SPOCK1: variants seen among roughly 807,000 people sequenced by gnomAD.
SPOCK1 encodes SPARC (osteonectin), cwcv and kazal like domains proteoglycan 1.
SPOCK1 carries 23 observed loss-of-function variants against 55.3 expected under a neutral mutation model. The observed-to-expected ratio is 0.42, with a 90% CI of 0.30 to 0.59. SPOCK1 has a LOEUF of 0.59. Among genes scored for constraint, SPOCK1 ranks in the 20% least tolerant of loss-of-function variants. The pLI is 0.22. For missense variants in SPOCK1, 499 were observed against 552.5 expected (o/e 0.90, Z 0.97); for synonymous variants, 226 against 221.0 (o/e 1.02, Z -0.20).
chr5:137,091,837 C>A (rs982777753), intron 5 of SPOCK1, among the ~76,000 whole-genome samples: 17 of 152,172 alleles, frequency 1.1e-4, no homozygotes, highest in African/African-American at 4.1e-4. Flanking sequence ...AAACTCTTTG[C>A]ATATGGGAGC....
intron 2 of SPOCK1, among the ~76,000 whole-genome samples, chr5:137,346,829 A>G (rs1407912969): frequency 6.6e-6 from 1 of 152,184 alleles, no homozygotes; most frequent in Non-Finnish European, 1.5e-5. Flanking sequence ...TCTTCAAAAA[A>G]CTGATGATCT....
intron 2 of SPOCK1, among the ~76,000 whole-genome samples, chr5:137,413,198 T>C (rs1752246181): frequency 6.6e-6 from 1 of 152,226 alleles, no homozygotes; most frequent in African/African-American, 2.4e-5. Flanking sequence ...TGAAGAGCTA[T>C]ACTTTGCTTC....
intron 2 of SPOCK1, among the ~76,000 whole-genome samples, chr5:137,321,616 C>T (rs1029676231): frequency 6.6e-6 from 1 of 152,138 alleles, no homozygotes; most frequent in African/African-American, 2.4e-5. Context: ...TGGTTCACGC[C>T]TGTAATCCCA....
chr5:137,173,057 T>C (rs1754783213), intron 3 of SPOCK1, among the ~76,000 whole-genome samples: 1 of 152,132 alleles, frequency 6.6e-6, no homozygotes, highest in African/African-American at 2.4e-5. Flanking sequence ...CAATCTCCCA[T>C]TGTGTATGGT....
intron 2 of SPOCK1, among the ~76,000 whole-genome samples, chr5:137,391,920 C>T (rs1214301345): frequency 6.6e-6 from 1 of 152,136 alleles, no homozygotes; most frequent in African/African-American, 2.4e-5. Context: ...CACATACTGC[C>T]CTCCAGGTAG....
At chr5:137,424,951 G>A (rs577927507) in intron 2 of SPOCK1, among the ~76,000 whole-genome samples, 1 of 152,264 alleles carries the variant, frequency 6.6e-6, no homozygotes, top group East Asian at 1.9e-4. Flanking sequence ...TTAAATGGAT[G>A]CATTTTATTG....
intron 3 of SPOCK1, among the ~76,000 whole-genome samples, chr5:137,225,339 T>G (rs1755925385): frequency 6.6e-6 from 1 of 152,164 alleles, no homozygotes; most frequent in Non-Finnish European, 1.5e-5. Context: ...TAGAGGTTAC[T>G]GTAGAAATAA....
chr5:137,351,501 G>T (rs996511083), intron 2 of SPOCK1, among the ~76,000 whole-genome samples: 2 of 152,178 alleles, frequency 1.3e-5, no homozygotes, highest in Non-Finnish European at 2.9e-5. Flanking sequence ...GGGAATGGAA[G>T]GTGAGACAGA....
At chr5:137,343,732 C>T (rs1392819806) in intron 2 of SPOCK1, among the ~76,000 whole-genome samples, 2 of 152,228 alleles carry the variant, frequency 1.3e-5, no homozygotes, top group Admixed American at 6.5e-5. Flanking sequence ...AAGGATTCAT[C>T]CTGCAACATG....
At chr5:137,136,183 T>A (rs887606195) in intron 4 of SPOCK1, among the ~76,000 whole-genome samples, 1 of 152,238 alleles carries the variant, frequency 6.6e-6, no homozygotes. Flanking sequence ...AGGTCATAAC[T>A]CCTATGTTTT....
intron 2 of SPOCK1, among the ~76,000 whole-genome samples, chr5:137,312,992 G>A (rs1450349960): frequency 6.6e-6 from 1 of 152,134 alleles, no homozygotes; most frequent in African/African-American, 2.4e-5. Flanking sequence ...AGGTAAACAT[G>A]AATCCCAACC....
chr5:137,373,504 A>C (rs1467723052), intron 2 of SPOCK1, among the ~76,000 whole-genome samples: 1 of 152,196 alleles, frequency 6.6e-6, no homozygotes, highest in Admixed American at 6.5e-5. Flanking sequence ...TATCTGCCCA[A>C]TGCCTGCAGA....
At chr5:137,177,027 G>C (rs998201086) in intron 3 of SPOCK1, among the ~76,000 whole-genome samples, 2 of 152,038 alleles carry the variant, frequency 1.3e-5, no homozygotes, top group African/African-American at 4.8e-5. Flanking sequence ...AATTTCAGTA[G>C]CACCCAAAAA....
intron 4 of SPOCK1, among the ~76,000 whole-genome samples, chr5:137,138,706 C>T (rs961145111): frequency 2.0e-5 from 3 of 150,124 alleles, no homozygotes; most frequent in Non-Finnish European, 4.5e-5. Flanking sequence ...TAATAACCCC[C>T]CCCCCCCAAA....
chr5:137,312,814 T>A (rs1282558140), intron 2 of SPOCK1, among the ~76,000 whole-genome samples: 1 of 152,182 alleles, frequency 6.6e-6, no homozygotes, highest in Non-Finnish European at 1.5e-5. Flanking sequence ...TCTCCCATCA[T>A]CCCCATCCAG....
At chr5:137,164,739 G>T (rs1754616268) in intron 3 of SPOCK1, among the ~76,000 whole-genome samples, 1 of 152,096 alleles carries the variant, frequency 6.6e-6, no homozygotes, top group Non-Finnish European at 1.5e-5. Context: ...ACTGACTAAA[G>T]ATCCCTTAGG....
At chr5:137,280,917 T>C (rs560020060) in intron 2 of SPOCK1, among the ~76,000 whole-genome samples, 286 of 152,238 alleles carry the variant, frequency 1.9e-3, no homozygotes, top group African/African-American at 6.7e-3. Context: ...CCTCCACCAA[T>C]GTGCTGGAAG....
intron 3 of SPOCK1, among the ~76,000 whole-genome samples, chr5:137,150,232 T>C (rs1754293552): frequency 6.6e-6 from 1 of 152,186 alleles, no homozygotes; most frequent in Non-Finnish European, 1.5e-5. Context: ...CGAAAACTTC[T>C]GCTGACTAAC....
intron 3 of SPOCK1, among the ~76,000 whole-genome samples, chr5:137,230,315 G>T (rs1580818632): frequency 6.6e-6 from 1 of 152,156 alleles, no homozygotes; most frequent in African/African-American, 2.4e-5. Flanking sequence ...AGGACTTGGG[G>T]ATTCTCCTTG....
Sources: gnomAD v4.1 joint callset for allele counts (sites outside exome capture counted in the v4.1 genomes callset) on GRCh38, gnomAD v4.1.1 for gene constraint, MANE v1.5 for transcripts, NCBI Gene and HGNC (gene_info 2026-07-23, HGNC 2026-07-21) for gene names.